KIAA1549L: variants seen among roughly 807,000 people sequenced by gnomAD.
KIAA1549L encodes KIAA1549 like, also known as UPF0606 protein KIAA1549L.
In KIAA1549L, 88 loss-of-function variants were observed where a neutral mutation model predicts 160.7. That is an observed-to-expected ratio of 0.55 (90% CI 0.46 to 0.65). KIAA1549L has a LOEUF of 0.65. Among genes scored for constraint, KIAA1549L ranks in the 30% least tolerant of loss-of-function variants. The probability of loss-of-function intolerance (pLI) is 0.00; values close to 1 mark genes in which losing one functional copy is unlikely to be tolerated. For missense variants in KIAA1549L, 2,258 were observed against 2,437.5 expected (o/e 0.93, Z 1.55); for synonymous variants, 950 against 976.7 (o/e 0.97, Z 0.51).
rs1175884186 is a variant in KIAA1549L, at chr11:33,516,243, T to C, written c.239-25559T>C. Among the ~76,000 whole-genome samples the C allele has an allele frequency of 3.5e-5, 2 of 57,282 alleles. 1 individual carries two copies. The highest frequency in any genetic ancestry group is 5.9e-5 in the Non-Finnish European group (2 of 33,930). 37.6% of individuals were successfully genotyped at this position (57,282 alleles called of 152,430 possible). On this transcript the variant is annotated intron_variant, in intron 1 of 20. Transcript: ENST00000658780. ...CTCGGCTCACTGCAAGCTCCGCCTC[T>C]CGGGTTCACGCCATTCTCCTGCCTC...
At chr11:33,505,569 C>G (rs911646455) in intron 1 of KIAA1549L, among the ~76,000 whole-genome samples, 1 of 152,182 alleles carries the variant, frequency 6.6e-6, no homozygotes. Flanking sequence ...CCCCATTTCC[C>G]TCTTACTATC....
chr11:33,623,533 A>G (rs1564928836), intron 16 of KIAA1549L, among the ~76,000 whole-genome samples: 1 of 152,202 alleles, frequency 6.6e-6, no homozygotes, highest in Non-Finnish European at 1.5e-5. Flanking sequence ...TCCAAGAGAA[A>G]TATCTGCTCA....
At chr11:33,599,137 G>A in intron 13 of KIAA1549L, 190 bp downstream of exon 13, 1 of 518,236 alleles carries the variant, frequency 1.9e-6, no homozygotes, top group South Asian at 2.9e-5. Context: ...CCCCTTGTCT[G>A]AATTGTCCTG....
chr11:33,597,928 G>T (rs778469939), intron 12 of KIAA1549L, among the ~76,000 whole-genome samples: 4 of 152,054 alleles, frequency 2.6e-5, no homozygotes, highest in Non-Finnish European at 5.9e-5. Context: ...GCTAAACAAG[G>T]GTGGCAGCCA....
At chr11:33,399,270 G>C (rs1190053724) in intron 1 of KIAA1549L, among the ~76,000 whole-genome samples, 1 of 151,958 alleles carries the variant, frequency 6.6e-6, no homozygotes, top group African/African-American at 2.4e-5. Context: ...TGTTTATAAT[G>C]TCATGAGATT....
intron 10 of KIAA1549L, among the ~76,000 whole-genome samples, chr11:33,582,091 G>GA (rs1855664277): frequency 6.6e-6 from 1 of 152,146 alleles, no homozygotes; most frequent in African/African-American, 2.4e-5. Context: ...TATAAATACT[G>GA]AATTACTAAA....
intron 1 of KIAA1549L, among the ~76,000 whole-genome samples, chr11:33,427,552 C>A (rs1431396950): frequency 5.9e-5 from 9 of 152,160 alleles, no homozygotes; most frequent in Non-Finnish European, 1.0e-4. Context: ...TTTCAGCAAA[C>A]CCCCTTGAAA....
chr11:33,501,031 A>C lies in KIAA1549L; in HGVS notation c.239-40771A>C, dbSNP rs572689648. On this transcript the variant is annotated intron_variant, in intron 1 of 20. Transcript: ENST00000658780. ...AACCAAAGACATACTCCTCCAATCC[A>C]CTTATTGCTGTCCGTGGTGCTGAAA... is the stretch of plus-strand genomic sequence containing the variant. Among the ~76,000 whole-genome samples the C allele has an allele frequency of 6.8e-4, 103 of 152,204 alleles. 1 individual carries two copies. In the South Asian group the frequency reaches 0.018, roughly 26 times the overall value.
In KIAA1549L at chr11:33,574,792, G is replaced by T. The variant is rs373127794; in HGVS notation, c.4321G>T (p.Ala1441Ser). 10 of 1,613,972 alleles carry T rather than the reference G, an allele frequency of 6.2e-6. No individual in the cohort carries two copies. Among genetic ancestry groups the T allele is most frequent in the Non-Finnish European group, 6.8e-6 (8 of 1,179,836 alleles). Residue 1441 changes from alanine to serine, a missense_variant, in exon 10 of 21, where the codon GCA (alanine) becomes TCA (serine). This residue lies in a region of KIAA1549L where 1,359 missense variants were observed against 1,546.6 expected (regional missense o/e 0.88). Transcript: ENST00000658780. ...CAACGGGAAGCCTTTGTTGGGGACC[G>T]CAGCTGCCAAGATCCTGAGCACCAT... The part of the protein sequence containing the change: ...LYNGKPLLGT[A>S]AAKILSTIDS...
chr11:33,596,393 C>T (rs1357006015), intron 12 of KIAA1549L, among the ~76,000 whole-genome samples: 1 of 152,006 alleles, frequency 6.6e-6, no homozygotes. Context: ...AGAGGAGCAG[C>T]CAGAAAATTG....
intron 17 of KIAA1549L, among the ~76,000 whole-genome samples, chr11:33,649,342 GGAA>G (rs1851814782): frequency 8.2e-6 from 1 of 122,572 alleles, no homozygotes; most frequent in Non-Finnish European, 1.6e-5. Flanking sequence ...TCTCTACGGG[GGAA>G]AAAAAAAAAA....
intron 1 of KIAA1549L, among the ~76,000 whole-genome samples, chr11:33,459,783 A>C (rs1215537642): frequency 2.0e-5 from 3 of 150,586 alleles, no homozygotes; most frequent in Non-Finnish European, 4.4e-5. Flanking sequence ...AAAACGGTGA[A>C]ACCCCGTCTC....
At chr11:33,474,002 A>G (rs1043371641) in intron 1 of KIAA1549L, among the ~76,000 whole-genome samples, 2 of 152,182 alleles carry the variant, frequency 1.3e-5, no homozygotes, top group African/African-American at 2.4e-5. Flanking sequence ...TCATGGAGGA[A>G]GGGAAAGTGC....
At chr11:33,480,518 C>T (rs1236761288) in intron 1 of KIAA1549L, among the ~76,000 whole-genome samples, 2 of 152,150 alleles carry the variant, frequency 1.3e-5, no homozygotes, top group Non-Finnish European at 2.9e-5. Context: ...GTTTTCATTT[C>T]TCTTTGGTGT....
At chr11:33,515,942 A>T (rs1337665239) in intron 1 of KIAA1549L, among the ~76,000 whole-genome samples, 1 of 152,302 alleles carries the variant, frequency 6.6e-6, no homozygotes, top group East Asian at 1.9e-4. Flanking sequence ...GTTGGACCAG[A>T]TGCTAGAAGA....
chr11:33,409,910 A>G (rs2134085281), intron 1 of KIAA1549L, among the ~76,000 whole-genome samples: 1 of 152,220 alleles, frequency 6.6e-6, no homozygotes, highest in Admixed American at 6.5e-5. Flanking sequence ...TGGGACAAAT[A>G]CTTAAAACAG....
At position 33,544,227 on chromosome 11, in the gene KIAA1549L, G is replaced by C; in HGVS notation, c.2664G>C (p.Gln888His). 2 of 1,613,978 alleles carry C rather than the reference G, an allele frequency of 1.2e-6. No homozygotes were observed. The highest frequency in any genetic ancestry group is 4.5e-5 in the East Asian group (2 of 44,884). ...SPERNASTPF[Q>H]NILGYHSAAE... ...AGAGAAATGCTTCCACACCATTCCAGAACATCTTGGGATATCACTCTGCTG... is the reference window on the plus strand; with the variant it reads ...AGAGAAATGCTTCCACACCATTCCACAACATCTTGGGATATCACTCTGCTG... Residue 888 changes from glutamine to histidine, a missense_variant, in exon 2 of 21, where the codon CAG becomes CAC. Physicochemically the swap from Gln to His is conservative, Grantham distance 24. Around this residue, in one of 6 missense-constraint regions of KIAA1549L, gnomAD observed 287 missense variants for 292.3 expected, o/e 0.98. Transcript: ENST00000658780.
chr11:33,633,812 C>G (rs1439493294), intron 16 of KIAA1549L, among the ~76,000 whole-genome samples: 2 of 152,142 alleles, frequency 1.3e-5, no homozygotes, highest in Non-Finnish European at 2.9e-5. Flanking sequence ...TTACAAGCTA[C>G]GTGAAGTTAG....
intron 1 of KIAA1549L, among the ~76,000 whole-genome samples, chr11:33,393,312 A>G (rs1026733184): frequency 1.3e-5 from 2 of 152,128 alleles, no homozygotes; most frequent in Admixed American, 1.3e-4. Flanking sequence ...CTTCCCTGGC[A>G]TGCACTCTGC....
Sources: gnomAD v4.1 joint callset for allele counts (sites outside exome capture counted in the v4.1 genomes callset) on GRCh38, gnomAD v4.1.1 for gene constraint, gnomAD v4.1.1 regional missense constraint, MANE v1.5 for transcripts, NCBI Gene and HGNC (gene_info 2026-07-23, HGNC 2026-07-21) for gene names.